The following PPP1R14C variants were observed in gnomAD, a reference collection of about 807,000 sequenced individuals.
PPP1R14C encodes protein phosphatase 1 regulatory inhibitor subunit 14C.
A neutral mutation model predicts 20.4 loss-of-function variants in PPP1R14C; 16 were observed. The observed-to-expected ratio is 0.78, with a 90% confidence interval of 0.53 to 1.19. PPP1R14C has a LOEUF of 1.19. Among genes scored for constraint, PPP1R14C ranks in the 50% most tolerant of loss-of-function variants. The pLI, the probability that PPP1R14C is intolerant of heterozygous loss-of-function variation, is 0.00. For missense variants in PPP1R14C, 211 were observed against 220.1 expected (o/e 0.96, Z 0.26); for synonymous variants, 91 against 91.0 (o/e 1.00, Z 0.00).
chr6:150,208,806 A>G (rs143158280), intron 1 of PPP1R14C, among the ~76,000 whole-genome samples: 6 of 152,276 alleles, frequency 3.9e-5, no homozygotes, highest in African/African-American at 7.2e-5. Flanking sequence ...CTTGATGCCA[A>G]TGTGTAAACA....
chr6:150,220,480 G>T (rs1444148899), intron 3 of PPP1R14C, among the ~76,000 whole-genome samples: 1 of 152,192 alleles, frequency 6.6e-6, no homozygotes, highest in Non-Finnish European at 1.5e-5. Flanking sequence ...TGATGGGTTA[G>T]ACAAGAAAAA....
intron 1 of PPP1R14C, among the ~76,000 whole-genome samples, chr6:150,172,764 C>T (rs1009733712): frequency 3.3e-5 from 5 of 151,962 alleles, no homozygotes; most frequent in Admixed American, 6.6e-5. Context: ...GTGGGGAGAC[C>T]GACTGGGGAC....
intron 3 of PPP1R14C, among the ~76,000 whole-genome samples, chr6:150,220,653 A>G (rs1469391014): frequency 6.6e-6 from 1 of 152,238 alleles, no homozygotes; most frequent in Non-Finnish European, 1.5e-5. Flanking sequence ...TAAGTGAAGA[A>G]ATTCATGCTT....
intron 1 of PPP1R14C, among the ~76,000 whole-genome samples, chr6:150,148,405 G>T (rs1440877344): frequency 6.6e-6 from 1 of 152,246 alleles, no homozygotes; most frequent in Non-Finnish European, 1.5e-5. Context: ...ACAGGGCAGA[G>T]CCTGGCACCT....
At chr6:150,147,340 C>T (rs528338253) in intron 1 of PPP1R14C, among the ~76,000 whole-genome samples, 4 of 151,818 alleles carry the variant, frequency 2.6e-5, no homozygotes, top group East Asian at 1.9e-4. Flanking sequence ...CCACCATGCC[C>T]GGCTAATTTT....
chr6:150,186,298 T>C (rs1280311875), intron 1 of PPP1R14C, among the ~76,000 whole-genome samples: 1 of 152,180 alleles, frequency 6.6e-6, no homozygotes, highest in African/African-American at 2.4e-5. Context: ...CCCATCCACT[T>C]TGAAGGATAT....
intron 1 of PPP1R14C, among the ~76,000 whole-genome samples, chr6:150,178,868 A>T (rs1167336486): frequency 6.6e-6 from 1 of 152,230 alleles, no homozygotes; most frequent in Non-Finnish European, 1.5e-5. Flanking sequence ...GAGGAAATAA[A>T]CAGGATCTGT....
At chr6:150,159,843 C>T (rs1562257862) in intron 1 of PPP1R14C, among the ~76,000 whole-genome samples, 2 of 152,240 alleles carry the variant, frequency 1.3e-5, no homozygotes, top group East Asian at 3.9e-4. Flanking sequence ...TGCCTAGAGT[C>T]CTTTTTCTGT....
chr6:150,203,745 G>C (rs1777908135), intron 1 of PPP1R14C, among the ~76,000 whole-genome samples: 1 of 152,230 alleles, frequency 6.6e-6, no homozygotes, highest in African/African-American at 2.4e-5. Flanking sequence ...CCATCATCGG[G>C]TAATTTGAGT....
chr6:150,202,040 A>G (rs1386303210), intron 1 of PPP1R14C, among the ~76,000 whole-genome samples: 6 of 152,200 alleles, frequency 3.9e-5, no homozygotes, highest in African/African-American at 7.2e-5. Flanking sequence ...GACTGGCCTC[A>G]TTCCCTAAGA....
At chr6:150,152,713 T>G (rs1889552) in intron 1 of PPP1R14C, among the ~76,000 whole-genome samples, 13 of 152,016 alleles carry the variant, frequency 8.6e-5, no homozygotes, top group African/African-American at 3.1e-4. Context: ...CTTTCCAGGG[T>G]CCCTCTTTCT....
intron 1 of PPP1R14C, among the ~76,000 whole-genome samples, chr6:150,205,094 A>G (rs1777928571): frequency 6.7e-6 from 1 of 149,996 alleles, no homozygotes; most frequent in South Asian, 2.1e-4. Flanking sequence ...TAGGGGAGAG[A>G]TTTGGGGGCA....
At chr6:150,152,119 C>CAAAAAA (rs577869928) in intron 1 of PPP1R14C, among the ~76,000 whole-genome samples, 4 of 85,004 alleles carry the variant, frequency 4.7e-5, no homozygotes, top group African/African-American at 7.4e-5. Context: ...GACTCCGTCT[C>CAAAAAA]AAAAAAAAAA....
intron 3 of PPP1R14C, among the ~76,000 whole-genome samples, chr6:150,233,475 A>G (rs1039914651): frequency 1.3e-5 from 2 of 152,196 alleles, no homozygotes; most frequent in African/African-American, 4.8e-5. Context: ...TAAACATTGA[A>G]ATAAATGTGA....
chr6:150,186,107 G>C (rs1777673846), intron 1 of PPP1R14C, among the ~76,000 whole-genome samples: 2 of 152,148 alleles, frequency 1.3e-5, no homozygotes, highest in Admixed American at 1.3e-4. Context: ...TGCGATAAAT[G>C]GAGTGGGGCC....
chr6:150,187,286 T>C (rs1020558028), intron 1 of PPP1R14C, among the ~76,000 whole-genome samples: 1 of 150,414 alleles, frequency 6.6e-6, no homozygotes, highest in Non-Finnish European at 1.5e-5. Flanking sequence ...TGTGTGTGTG[T>C]GTGTGTTTGC....
intron 1 of PPP1R14C, among the ~76,000 whole-genome samples, chr6:150,207,445 C>T (rs575895974): frequency 4.0e-4 from 61 of 152,336 alleles, no homozygotes; most frequent in Admixed American, 1.0e-3. Context: ...CATCTCCATG[C>T]CTTGCGTGCT....
At chr6:150,186,918 A>G (rs1357564113) in intron 1 of PPP1R14C, among the ~76,000 whole-genome samples, 5 of 151,980 alleles carry the variant, frequency 3.3e-5, no homozygotes, top group Admixed American at 2.6e-4. Context: ...GTGAGGAGCC[A>G]TGGAAGCAGT....
At chr6:150,217,271 C>A (rs1035196560) in intron 3 of PPP1R14C, among the ~76,000 whole-genome samples, 3 of 150,088 alleles carry the variant, frequency 2.0e-5, no homozygotes, top group Non-Finnish European at 4.4e-5. Flanking sequence ...TCTCGGCTCA[C>A]TGCAACCTCC....
Sources: gnomAD v4.1 joint callset for allele counts (sites outside exome capture counted in the v4.1 genomes callset) on GRCh38, gnomAD v4.1.1 for gene constraint, MANE v1.5 for transcripts, NCBI Gene and HGNC (gene_info 2026-07-23, HGNC 2026-07-21) for gene names.